Variants in NCKAP5 observed in about 807,000 individuals in gnomAD.
The protein encoded by NCKAP5 is NCK associated protein 5.
A neutral mutation model predicts 167.0 loss-of-function variants in NCKAP5; 92 were observed. The observed-to-expected ratio is 0.55, with a 90% CI of 0.47 to 0.66. NCKAP5 has a LOEUF of 0.66. NCKAP5 is among the 30% of genes least tolerant of loss of function. The pLI is 0.00. For missense variants in NCKAP5, 2,378 were observed against 2,315.0 expected (o/e 1.03, Z -0.56); for synonymous variants, 891 against 877.4 (o/e 1.02, Z -0.27).
chr2:133,297,201 G>GTA (rs1419782566), intron 4 of NCKAP5, among the ~76,000 whole-genome samples: 8 of 137,110 alleles, frequency 5.8e-5, no homozygotes, highest in African/African-American at 2.2e-4. Context: ...GTGTGTGTGT[G>GTA]TGTGTGTGTT....
At chr2:132,861,459 T>C (rs1445146757) in intron 10 of NCKAP5, among the ~76,000 whole-genome samples, 1 of 151,718 alleles carries the variant, frequency 6.6e-6, no homozygotes, top group Non-Finnish European at 1.5e-5. Flanking sequence ...AGCTGACCCT[T>C]TTCTGCATTT....
At chr2:133,390,979 C>G (rs971279423) in intron 3 of NCKAP5, 11 of 152,122 alleles carry the variant, frequency 7.2e-5, no homozygotes, top group African/African-American at 2.4e-4. Flanking sequence ...TTCGTATGCA[C>G]CAAGCATTGT....
At chr2:133,469,291 A>T (rs1456741121) in intron 3 of NCKAP5, among the ~76,000 whole-genome samples, 1 of 151,884 alleles carries the variant, frequency 6.6e-6, no homozygotes, top group African/African-American at 2.4e-5. Context: ...GCTGGATATG[A>T]AATTCTGGGT....
chr2:133,233,647 G>C (rs2087256075), intron 4 of NCKAP5, among the ~76,000 whole-genome samples: 1 of 152,096 alleles, frequency 6.6e-6, no homozygotes, highest in African/African-American at 2.4e-5. Flanking sequence ...AGCCTATGTT[G>C]ACAATTTGCT....
intron 19 of NCKAP5, among the ~76,000 whole-genome samples, chr2:132,674,653 T>C (rs13385904): frequency 0.053 from 8,110 of 152,222 alleles, 672 homozygotes; most frequent in African/African-American, 0.18. Context: ...TAGCCAAAGC[T>C]TATGGATTCT....
chr2:132,831,956 A>G (rs1558833546), intron 11 of NCKAP5, among the ~76,000 whole-genome samples: 1 of 152,110 alleles, frequency 6.6e-6, no homozygotes, highest in East Asian at 1.9e-4. Flanking sequence ...ATTTAAAATA[A>G]TATCTCTATC....
chr2:133,281,531 A>T (rs2089935312), intron 4 of NCKAP5, among the ~76,000 whole-genome samples: 1 of 152,214 alleles, frequency 6.6e-6, no homozygotes, highest in Non-Finnish European at 1.5e-5. Flanking sequence ...GGTATTCTGG[A>T]GAGATATTGG....
At chr2:133,356,546 C>T (rs1472142477) in intron 3 of NCKAP5, among the ~76,000 whole-genome samples, 1 of 152,194 alleles carries the variant, frequency 6.6e-6, no homozygotes, top group East Asian at 1.9e-4. Context: ...GCCAATCCAT[C>T]TACTTCCCTA....
chr2:133,647,393 AAGG>A, the NCKAP5 span, among the ~76,000 whole-genome samples: 3 of 121,984 alleles, frequency 2.5e-5, no homozygotes, highest in East Asian at 2.6e-4. Context: ...GGAAGGAAGG[AAGG>A]AAGGAAGGAA....
chr2:133,176,901 T>C (rs1234945568), intron 5 of NCKAP5, among the ~76,000 whole-genome samples: 1 of 152,182 alleles, frequency 6.6e-6, no homozygotes, highest in Non-Finnish European at 1.5e-5. Flanking sequence ...GTCCATATGC[T>C]AGAAAAGCAA....
At chr2:132,985,842 A>G (rs1273882664) in intron 7 of NCKAP5, among the ~76,000 whole-genome samples, 1 of 152,214 alleles carries the variant, frequency 6.6e-6, no homozygotes, top group Non-Finnish European at 1.5e-5. Context: ...AACCCTTGAG[A>G]CTTCTCAAGA....
intron 3 of NCKAP5, among the ~76,000 whole-genome samples, chr2:133,454,493 T>A (rs1402965112): frequency 6.6e-6 from 1 of 152,076 alleles, no homozygotes; most frequent in Non-Finnish European, 1.5e-5. Flanking sequence ...TTCATTTGTG[T>A]CAACATTTGG....
At chr2:133,122,027 G>C (rs900526207) in intron 6 of NCKAP5, 2 of 152,124 alleles carry the variant, frequency 1.3e-5, no homozygotes, top group Non-Finnish European at 2.9e-5. Context: ...TTCTGGAAAA[G>C]GCAAAACTAT....
At chr2:133,633,617 C>T in the NCKAP5 span, among the ~76,000 whole-genome samples, 93 of 152,278 alleles carry the variant, frequency 6.1e-4, no homozygotes, top group African/African-American at 2.0e-3. Context: ...AAATGCCAAA[C>T]AGTTTGCATC....
At chr2:132,754,968 A>G (rs1345658000) in intron 16 of NCKAP5, among the ~76,000 whole-genome samples, 1 of 152,240 alleles carries the variant, frequency 6.6e-6, no homozygotes, top group African/African-American at 2.4e-5. Context: ...CTCCATTTTT[A>G]TAGCCCTAGG....
chr2:132,975,129 C>T (rs991254580), intron 7 of NCKAP5, among the ~76,000 whole-genome samples: 8 of 152,182 alleles, frequency 5.3e-5, no homozygotes, highest in Non-Finnish European at 1.2e-4. Context: ...GGAAAAATAG[C>T]GTCAGATAAA....
At chr2:132,933,263 C>T (rs188521038) in intron 8 of NCKAP5, among the ~76,000 whole-genome samples, 1 of 152,198 alleles carries the variant, frequency 6.6e-6, no homozygotes, top group African/African-American at 2.4e-5. Context: ...TTTTGCCACA[C>T]TTCAGTTATA....
In NCKAP5 at chr2:133,203,393, G is replaced by A. The variant is rs2085792984; in HGVS notation, c.207+10323C>T. Among the ~76,000 whole-genome samples the A allele has an allele frequency of 3.3e-5, 5 of 152,148 alleles. No individual in the cohort carries two copies. The South Asian group carries it at 1.0e-3, about 32-fold the overall frequency. On this transcript the variant is annotated intron_variant, in intron 5 of 19. Coordinates refer to ENST00000409261, the MANE Select transcript of NCKAP5 (RefSeq NM_207363.3). Reference sequence around the variant, plus strand: ...CATCACACACTGGGGCCTGTCATGGGGTGGGGGAAGCGGGGAGGAATAGCA... The same window carrying A: ...CATCACACACTGGGGCCTGTCATGGAGTGGGGGAAGCGGGGAGGAATAGCA...
chr2:132,979,055 C>A (rs116685915), intron 7 of NCKAP5, among the ~76,000 whole-genome samples: 1 of 152,282 alleles, frequency 6.6e-6, no homozygotes, highest in East Asian at 1.9e-4. Flanking sequence ...ATCAGCCCTG[C>A]GGCCTCGCTG....
Sources: gnomAD v4.1 joint callset for allele counts (sites outside exome capture counted in the v4.1 genomes callset) on GRCh38, gnomAD v4.1.1 for gene constraint, MANE v1.5 for transcripts, NCBI Gene and HGNC (gene_info 2026-07-23, HGNC 2026-07-21) for gene names.